Variants in PPP2R1B observed in about 807,000 individuals in gnomAD.
The protein encoded by PPP2R1B is serine/threonine-protein phosphatase 2A 65 kDa regulatory subunit A beta isoform.
A neutral mutation model predicts 72.7 loss-of-function variants in PPP2R1B; 58 were observed. The ratio of observed to expected loss-of-function variants is 0.80; its 90% CI spans 0.65 to 0.99. The LOEUF (loss-of-function observed/expected upper bound fraction) is 0.99, where lower values mean the gene tolerates loss of function less well. Among genes scored for constraint, PPP2R1B ranks in the 50% least tolerant of loss-of-function variants. The pLI is 0.00. For missense variants in PPP2R1B, 695 were observed against 733.6 expected (o/e 0.95, Z 0.61); for synonymous variants, 256 against 264.6 (o/e 0.97, Z 0.32).
At chr11:111,708,106 G>A in the PPP2R1B span, among the ~76,000 whole-genome samples, 1 of 152,176 alleles carries the variant, frequency 6.6e-6, no homozygotes, top group African/African-American at 2.4e-5. Flanking sequence ...TTATGACAGG[G>A]CACAGTTGCT....
chr11:111,733,125 G>C (rs1462901322), downstream of PPP2R1B, among the ~76,000 whole-genome samples: 5 of 152,214 alleles, frequency 3.3e-5, no homozygotes, highest in East Asian at 9.6e-4. Flanking sequence ...CAAACCCAAG[G>C]TCAGGCAGGG....
chr11:111,761,894 A>G (rs1945341920), intron 3 of PPP2R1B, among the ~76,000 whole-genome samples: 1 of 152,112 alleles, frequency 6.6e-6, no homozygotes. Context: ...CGGGAGGCAG[A>G]GGTTGCAGTG....
the PPP2R1B span, chr11:111,721,213 C>T: frequency 5.4e-6 from 5 of 931,610 alleles, no homozygotes; most frequent in East Asian, 1.1e-4. Flanking sequence ...CTTGTTGCTG[C>T]CACCTGCCAC....
chr11:111,719,881 CAGA>C, the PPP2R1B span: 17 of 1,613,992 alleles, frequency 1.1e-5, no homozygotes, highest in African/African-American at 2.7e-5. Context: ...GGGCTGGAGA[CAGA>C]AGGAGAGGCC....
At chr11:111,721,714 A>G in the PPP2R1B span, 109 of 676,708 alleles carry the variant, frequency 1.6e-4, no homozygotes, top group African/African-American at 3.8e-4. Flanking sequence ...TTGAGTATTA[A>G]TAAGTCTCAG....
downstream of PPP2R1B, chr11:111,726,813 A>C: frequency 1.5e-6 from 1 of 680,852 alleles, no homozygotes; most frequent in Non-Finnish European, 2.6e-6. Context: ...CAGTGTGTAC[A>C]CTACTGTATC....
intron 3 of PPP2R1B, among the ~76,000 whole-genome samples, chr11:111,763,868 CTATA>C (rs199583320): frequency 1.1e-3 from 167 of 149,976 alleles, no homozygotes; most frequent in African/African-American, 4.0e-3. Flanking sequence ...CTCTCTCTCT[CTATA>C]TATATATATT....
At chr11:111,734,005 C>T (rs1944270430), downstream of PPP2R1B, among the ~76,000 whole-genome samples, 1 of 152,114 alleles carries the variant, frequency 6.6e-6, no homozygotes, top group African/African-American at 2.4e-5. Context: ...GCCCTCTCAG[C>T]CCTGCCACTA....
In PPP2R1B at chr11:111,742,562, G is replaced by T. The variant is rs768405219; in HGVS notation, c.1658C>A (p.Ala553Asp). ...TGGTCCAATCTTTTGTAGAGATTTGGCCACATTGAAGCGAACATTTGCTAC... is the reference window on the plus strand; with the variant it reads ...TGGTCCAATCTTTTGTAGAGATTTGTCCACATTGAAGCGAACATTTGCTAC... ...DQVANVRFNV[A>D]KSLQKIGPIL... The change falls in exon 13 of 15, where the codon GCC (alanine) becomes GAC (aspartate). Residue 553 changes from alanine (A) to aspartate (D), a missense_variant. By Grantham distance (126) the Ala-to-Asp change is moderately radical (BLOSUM62 -2). Transcript: ENST00000527614. The T allele has an allele frequency of 6.2e-7, 1 of 1,613,750 alleles. No homozygotes were observed. The highest frequency in any genetic ancestry group is 2.2e-5 in the East Asian group (1 of 44,852).
intron 8 of PPP2R1B, among the ~76,000 whole-genome samples, 197 bp downstream of exon 8, chr11:111,754,302 G>A (rs1488854986): frequency 6.6e-6 from 1 of 152,200 alleles, no homozygotes; most frequent in Non-Finnish European, 1.5e-5. Flanking sequence ...ATAAACCTAT[G>A]CACCAAAGAG....
At chr11:111,746,191 T>C (rs1353963321) in intron 11 of PPP2R1B, among the ~76,000 whole-genome samples, 3 of 151,282 alleles carry the variant, frequency 2.0e-5, no homozygotes, top group African/African-American at 7.3e-5. Flanking sequence ...TGCCAACTTT[T>C]AAAGAAAGCA....
chr11:111,755,463 A>C lies in PPP2R1B; in HGVS notation c.688-13T>G. The C allele has an allele frequency of 6.3e-7, 1 of 1,589,172 alleles. No individual in the cohort carries two copies. On this transcript the variant is annotated splice_polypyrimidine_tract_variant and intron_variant, in intron 5 of 14. Coordinates refer to ENST00000527614, the MANE Select transcript of PPP2R1B (RefSeq NM_002716.5). ...GGCGCACTGAATCCTAAAGGAACAA[A>C]ATTTCTGTAATTCAGACATTTACTG...
At chr11:111,746,743 G>T (rs2136059505) in intron 11 of PPP2R1B, among the ~76,000 whole-genome samples, 1 of 151,834 alleles carries the variant, frequency 6.6e-6, no homozygotes, top group Non-Finnish European at 1.5e-5. Flanking sequence ...TTTTAAAAGT[G>T]GTATTTCTTT....
rs1555046804 is a variant in PPP2R1B, at chr11:111,748,030, A to T, written c.1339-16T>A. ...ATTCCACACCCTACAGATACAGAAG[A>T]TTCCATTAACATACATTGCCAAAAT... On this transcript the variant is annotated splice_polypyrimidine_tract_variant and intron_variant, in intron 10 of 14. Transcript: ENST00000527614. 1 of 1,608,698 alleles carries T rather than the reference A, an allele frequency of 6.2e-7. No individual in the cohort carries two copies. The highest frequency in any genetic ancestry group is 1.3e-5 in the African/African-American group (1 of 74,852).
At chr11:111,691,725 T>G in the PPP2R1B span, among the ~76,000 whole-genome samples, 1 of 152,208 alleles carries the variant, frequency 6.6e-6, no homozygotes, top group Non-Finnish European at 1.5e-5. Flanking sequence ...TTGCCCACAC[T>G]TAATTCTCTA....
At chr11:111,706,735 G>A in the PPP2R1B span, among the ~76,000 whole-genome samples, 7 of 152,142 alleles carry the variant, frequency 4.6e-5, no homozygotes, top group African/African-American at 1.4e-4. Context: ...GCTGAGGTGG[G>A]TGGATCACAA....
intron 15 of PPP2R1B, chr11:111,729,503 G>C (rs1591659845): frequency 6.6e-6 from 1 of 152,388 alleles, no homozygotes; most frequent in South Asian, 2.1e-4. Context: ...TGGGAAGTTT[G>C]TGACTTCTCT....
At chr11:111,693,922 T>A in the PPP2R1B span, among the ~76,000 whole-genome samples, 2 of 152,360 alleles carry the variant, frequency 1.3e-5, no homozygotes, top group East Asian at 1.9e-4. Context: ...TCTCTGCCAC[T>A]TACTAGCTTT....
the PPP2R1B span, chr11:111,700,956 A>G: frequency 1.9e-6 from 3 of 1,614,094 alleles, no homozygotes; most frequent in Non-Finnish European, 2.5e-6. Flanking sequence ...CCCCTTATGC[A>G]GCCCCAGAAG....
Sources: gnomAD v4.1 joint callset for allele counts (sites outside exome capture counted in the v4.1 genomes callset) on GRCh38, gnomAD v4.1.1 for gene constraint, MANE v1.5 for transcripts, NCBI Gene and HGNC (gene_info 2026-07-23, HGNC 2026-07-21) for gene names.